Variants in FAF1 observed in about 807,000 individuals in gnomAD.
FAF1 encodes FAS-associated factor 1.
FAF1 carries 25 observed loss-of-function variants against 92.5 expected under a neutral mutation model. The observed-to-expected ratio is 0.27, with a 90% CI of 0.20 to 0.38. The LOEUF (loss-of-function observed/expected upper bound fraction) is 0.38, where lower values mean the gene tolerates loss of function less well. Among genes scored for constraint, FAF1 ranks in the 10% least tolerant of loss-of-function variants. The pLI is 1.00. For synonymous variants in FAF1, 234 were observed against 273.2 expected, an observed-to-expected ratio of 0.86 and a Z score of 1.42; for missense variants, 636 against 793.3, an observed-to-expected ratio of 0.80 and a Z score of 2.38.
intron 2 of FAF1, among the ~76,000 whole-genome samples, chr1:50,847,932 T>C (rs1215401272): frequency 6.6e-6 from 1 of 151,730 alleles, no homozygotes; most frequent in African/African-American, 2.4e-5. Flanking sequence ...ATATTCAAAC[T>C]ATGAAAAACA....
chr1:50,727,569 C>T (rs1275452943), intron 6 of FAF1, among the ~76,000 whole-genome samples: 2 of 152,168 alleles, frequency 1.3e-5, no homozygotes, highest in African/African-American at 2.4e-5. Context: ...TGTAGTTTTA[C>T]ATTGTGGTGA....
intron 13 of FAF1, among the ~76,000 whole-genome samples, chr1:50,554,831 A>T (rs1220814269): frequency 2.0e-5 from 3 of 152,220 alleles, no homozygotes; most frequent in Admixed American, 2.0e-4. Context: ...CTTTTCATAG[A>T]TGAAAAAGAA....
chr1:50,833,271 G>C (rs865979701), intron 2 of FAF1, among the ~76,000 whole-genome samples: 5 of 151,834 alleles, frequency 3.3e-5, no homozygotes, highest in Non-Finnish European at 5.9e-5. Context: ...CCCCTCCTGA[G>C]GTCTGATATT....
chr1:50,482,552 G>A (rs1646715936), intron 17 of FAF1, among the ~76,000 whole-genome samples: 1 of 152,162 alleles, frequency 6.6e-6, no homozygotes, highest in East Asian at 1.9e-4. Flanking sequence ...TATGGTATAT[G>A]CATGTTTAAC....
At chr1:50,795,549 G>T (rs2124584066) in intron 3 of FAF1, among the ~76,000 whole-genome samples, 1 of 152,296 alleles carries the variant, frequency 6.6e-6, no homozygotes, top group Admixed American at 6.5e-5. Context: ...CAACCTCAAA[G>T]CTTGGGGGTC....
intron 17 of FAF1, among the ~76,000 whole-genome samples, chr1:50,477,816 A>T (rs1051802290): frequency 6.6e-6 from 1 of 152,256 alleles, no homozygotes; most frequent in African/African-American, 2.4e-5. Context: ...TGCATAGCAC[A>T]AAGTAGATGC....
chr1:50,784,777 C>T (rs776934398), intron 4 of FAF1, among the ~76,000 whole-genome samples: 9 of 152,084 alleles, frequency 5.9e-5, no homozygotes, highest in Non-Finnish European at 1.0e-4. Context: ...AACTCCAAAA[C>T]ATATTACAAA....
chr1:50,610,201 T>G (rs184548417), intron 8 of FAF1, among the ~76,000 whole-genome samples: 8 of 152,332 alleles, frequency 5.3e-5, no homozygotes, highest in Non-Finnish European at 7.3e-5. Context: ...TTCAAATATA[T>G]GTATTACCTG....
intron 7 of FAF1, among the ~76,000 whole-genome samples, chr1:50,680,154 C>T (rs1656355929): frequency 6.6e-6 from 1 of 152,090 alleles, no homozygotes; most frequent in Non-Finnish European, 1.5e-5. Flanking sequence ...TAGTGTATAA[C>T]AGATTGATAA....
intron 9 of FAF1, among the ~76,000 whole-genome samples, chr1:50,595,520 T>C (rs931311850): frequency 6.6e-6 from 1 of 152,082 alleles, no homozygotes; most frequent in African/African-American, 2.4e-5. Flanking sequence ...TCTACTCAAC[T>C]ACACAGTCAA....
At chr1:50,958,956 T>C (rs534806739) in intron 1 of FAF1, among the ~76,000 whole-genome samples, 1 of 152,306 alleles carries the variant, frequency 6.6e-6, no homozygotes, top group African/African-American at 2.4e-5. Context: ...TAGTTCTAGC[T>C]CCAAGTCTTT....
chr1:50,526,273 G>A (rs1429676892), intron 15 of FAF1, among the ~76,000 whole-genome samples: 5 of 151,712 alleles, frequency 3.3e-5, no homozygotes, highest in South Asian at 2.1e-4. Context: ...ATGAGCCACC[G>A]TGCCTGGCCA....
intron 8 of FAF1, among the ~76,000 whole-genome samples, chr1:50,622,177 A>AT (rs1021078174): frequency 6.6e-6 from 1 of 151,468 alleles, no homozygotes; most frequent in Non-Finnish European, 1.5e-5. Flanking sequence ...AAAAAAAAAA[A>AT]TAAAAAGAAA....
At chr1:50,448,696 T>A (rs111834174) in intron 18 of FAF1, among the ~76,000 whole-genome samples, 61 of 152,362 alleles carry the variant, frequency 4.0e-4, no homozygotes, top group Non-Finnish European at 7.3e-4. Flanking sequence ...AGCAAGCCCC[T>A]TGGCTGCTTA....
At chr1:50,442,695 G>T (rs998256488) in intron 18 of FAF1, among the ~76,000 whole-genome samples, 3 of 152,064 alleles carry the variant, frequency 2.0e-5, no homozygotes, top group Non-Finnish European at 4.4e-5. Flanking sequence ...GATGGTTCTG[G>T]TGTCTTCTTC....
intron 17 of FAF1, among the ~76,000 whole-genome samples, chr1:50,479,658 G>A (rs1375958632): frequency 6.6e-6 from 1 of 152,070 alleles, no homozygotes; most frequent in Non-Finnish European, 1.5e-5. Flanking sequence ...TAGTATAACA[G>A]ATGCTACATT....
At chr1:50,621,383 C>CTT (rs1055594541) in intron 8 of FAF1, among the ~76,000 whole-genome samples, 1 of 110,730 alleles carries the variant, frequency 9.0e-6, no homozygotes, top group African/African-American at 3.6e-5. Context: ...CCCGATCTTT[C>CTT]TTTTTTTCTT....
At chr1:50,680,937 G>C (rs752109144) in intron 7 of FAF1, among the ~76,000 whole-genome samples, 4 of 151,862 alleles carry the variant, frequency 2.6e-5, no homozygotes, top group African/African-American at 7.3e-5. Flanking sequence ...TAAAAGTAGA[G>C]TCAACAGAAA....
rs1569873932 is a variant in FAF1, at chr1:50,746,263, TATATATATATATATATATATATATATATA to T, written c.368-1517_368-1489del. Among the ~76,000 whole-genome samples the T allele has an allele frequency of 1.0e-3, 22 of 21,060 alleles. No homozygotes were observed. The East Asian group carries it at 0.029, about 28-fold the overall frequency. The allele number at this position is 21,060 out of a possible 152,430, so 13.8% of individuals were successfully genotyped here. ...TGAAACGAACATATATATATATATATATATATATATATATATATATATATATATATTTTTTTTTTTTTTTTTTTTTTTTT... is the reference window on the plus strand; with the variant it reads ...TGAAACGAACATATATATATATATATTTTTTTTTTTTTTTTTTTTTTTTTT... On this transcript the variant is annotated intron_variant, in intron 4 of 18. Transcript: ENST00000396153.
Sources: allele counts gnomAD v4.1 joint callset (sites outside exome capture counted in the v4.1 genomes callset), GRCh38; gene constraint gnomAD v4.1.1; transcripts MANE v1.5; gene names NCBI Gene and HGNC (gene_info 2026-07-23, HGNC 2026-07-21).